Variants in PRR5L observed in about 807,000 individuals in gnomAD.
The protein encoded by PRR5L is proline rich 5 like.
A neutral mutation model predicts 36.4 loss-of-function variants in PRR5L; 21 were observed. The ratio of observed to expected loss-of-function variants is 0.58; its 90% CI spans 0.41 to 0.83. The LOEUF is 0.83. Among genes scored for constraint, PRR5L ranks in the 40% least tolerant of loss-of-function variants. PRR5L has a pLI of 0.00. For missense variants in PRR5L, 381 were observed against 473.3 expected, an observed-to-expected ratio of 0.80 and a Z score of 1.81; for synonymous variants, 188 against 197.0, an observed-to-expected ratio of 0.95 and a Z score of 0.38.
chr11:36,351,536 A>T lies in PRR5L; in HGVS notation c.-125-49461A>T, dbSNP rs1430037049. Among the ~76,000 whole-genome samples, 21 of 2,730 alleles carry T rather than the reference A, an allele frequency of 7.7e-3. 2 individuals carry two copies. The highest frequency in any genetic ancestry group is 0.019 in the South Asian group (2 of 104). The allele number at this position is 2,730 out of a possible 152,430, so 1.8% of individuals were successfully genotyped here. Reference sequence around the variant, plus strand: ...TTATATATATTTATATATTTATATAAATATATATTTATATATATTTATATA... The same window carrying T: ...TTATATATATTTATATATTTATATATATATATATTTATATATATTTATATA... On this transcript the variant is annotated intron_variant, in intron 1 of 8. Coordinates refer to ENST00000530639, the MANE Select transcript of PRR5L (RefSeq NM_001160167.2).
At chr11:36,341,551 C>T (rs911964250) in intron 1 of PRR5L, among the ~76,000 whole-genome samples, 22 of 152,052 alleles carry the variant, frequency 1.4e-4, no homozygotes, top group Admixed American at 4.6e-4. Flanking sequence ...TGGGACATGC[C>T]GTCACAGTAA....
At chr11:36,386,927 T>C (rs1476957273) in intron 1 of PRR5L, among the ~76,000 whole-genome samples, 1 of 152,222 alleles carries the variant, frequency 6.6e-6, no homozygotes, top group Non-Finnish European at 1.5e-5. Flanking sequence ...ATAGTCATGG[T>C]TGACAATTGA....
In PRR5L at chr11:36,401,186, C is replaced by A; in HGVS notation, c.65C>A (p.Pro22His). The change falls in exon 2 of 9, where the codon CCT (proline) becomes CAT (histidine). Residue 22 changes from proline (P) to histidine (H), a missense_variant. Physicochemically the swap from Pro to His is moderately conservative, Grantham distance 77. Transcript: ENST00000530639. ...EFHKMGSFRR[P>H]RPRFMSSPVL... ...CACAAGATGGGCTCCTTCCGCAGGC[C>A]TAGACCGCGCTTCATGAGCTCCCCC... 1 of 1,614,162 alleles carries A rather than the reference C, an allele frequency of 6.2e-7. No individual in the cohort carries two copies. Among genetic ancestry groups the A allele is most frequent in the South Asian group, 1.1e-5 (1 of 91,082 alleles).
At chr11:36,374,105 CCTCT>C (rs761022162) in intron 1 of PRR5L, among the ~76,000 whole-genome samples, 4,697 of 67,676 alleles carry the variant, frequency 0.069, 153 homozygotes, top group Middle Eastern at 0.12. Context: ...TTCCTTCCTT[CCTCT>C]CTCTCTCTCT....
At chr11:36,316,141 A>G (rs1856554578) in intron 1 of PRR5L, among the ~76,000 whole-genome samples, 1 of 152,250 alleles carries the variant, frequency 6.6e-6, no homozygotes, top group African/African-American at 2.4e-5. Flanking sequence ...AAAATAATTT[A>G]GGCACCGAGG....
chr11:36,420,459 T>C (rs779428223), intron 4 of PRR5L, among the ~76,000 whole-genome samples: 1 of 152,206 alleles, frequency 6.6e-6, no homozygotes, highest in Non-Finnish European at 1.5e-5. Context: ...TATTTCCTTT[T>C]CTGTGAAACA....
chr11:36,446,051 C>T (rs1351652764), intron 6 of PRR5L, among the ~76,000 whole-genome samples: 3 of 152,162 alleles, frequency 2.0e-5, no homozygotes, highest in Non-Finnish European at 4.4e-5. Context: ...AATAGTGTGG[C>T]CCTGATTATA....
chr11:36,322,100 C>A (rs1471717956), intron 1 of PRR5L, among the ~76,000 whole-genome samples: 1 of 151,534 alleles, frequency 6.6e-6, no homozygotes, highest in Non-Finnish European at 1.5e-5. Context: ...CAGGTCTACT[C>A]CTCAGAATCA....
chr11:36,318,096 T>C (rs1257649872), intron 1 of PRR5L, among the ~76,000 whole-genome samples: 1 of 152,238 alleles, frequency 6.6e-6, no homozygotes, highest in South Asian at 2.1e-4. Flanking sequence ...TGTGTTACAA[T>C]TGCCTACAGT....
Position 36,403,525 on chromosome 11 carries a change from TG to T in PRR5L, c.245+149del, listed in dbSNP as rs1420991044. On this transcript the variant is annotated intron_variant, in intron 3 of 8. Coordinates refer to ENST00000530639, the MANE Select transcript of PRR5L (RefSeq NM_001160167.2). ...TCTTCTGTCAGCTATGCTGCTTTCATGGCTGTTGCGTTCTGAGACCTGTGTC... is the reference window on the plus strand; with the variant it reads ...TCTTCTGTCAGCTATGCTGCTTTCATGCTGTTGCGTTCTGAGACCTGTGTC... 3.1e-5 allele frequency: 19 copies of T among 617,294 alleles called. No individual in the cohort carries two copies. The African/African-American group carries it at 3.3e-4, about 11-fold the overall frequency. 38.2% of individuals were successfully genotyped at this position (617,294 alleles called of 1,614,324 possible).
intron 1 of PRR5L, chr11:36,376,280 G>A (rs1857257355): frequency 2.6e-6 from 3 of 1,167,552 alleles, no homozygotes; most frequent in Non-Finnish European, 3.3e-6. Context: ...CTAGGTGCCC[G>A]GGACAGGAAA....
intron 1 of PRR5L, among the ~76,000 whole-genome samples, chr11:36,371,910 T>C (rs1160920773): frequency 2.0e-5 from 3 of 151,704 alleles, no homozygotes; most frequent in Non-Finnish European, 4.4e-5. Context: ...AAAACAAAAT[T>C]AGCTGTGTGT....
rs1411849435 is a variant in PRR5L, at chr11:36,462,652, C to T, written c.1023C>T (p.Asn341=). 2 of 1,611,292 alleles carry T rather than the reference C, an allele frequency of 1.2e-6. No homozygotes were observed. Among genetic ancestry groups the T allele is most frequent in the Non-Finnish European group, 1.7e-6 (2 of 1,179,474 alleles). ...ACCGGCAGTGCTCCAGTGAGCCCAA[C>T]ATCACTGACAACCCTGACGGACTGG... The part of the protein sequence containing the change: ...PPHRQCSSEP[N]ITDNPDGLEE... The change falls in exon 9 of 9, where the codon AAC becomes AAT. Residue 341 remains asparagine (N), a synonymous_variant. Coordinates refer to ENST00000530639, the MANE Select transcript of PRR5L (RefSeq NM_001160167.2).
At chr11:36,392,731 G>GAGAC (rs71459210) in intron 1 of PRR5L, among the ~76,000 whole-genome samples, 19,824 of 152,082 alleles carry the variant, frequency 0.13, 1,420 homozygotes, top group East Asian at 0.28. Context: ...ACAGGAGAGA[G>GAGAC]AGACAGAGAG....
At chr11:36,376,817 G>T (rs1590502184) in intron 1 of PRR5L, 2 of 803,880 alleles carry the variant, frequency 2.5e-6, no homozygotes, top group South Asian at 5.6e-5. Flanking sequence ...CGGCGTGGCG[G>T]GGGTAGGAGC....
chr11:36,430,023 G>A (rs144400225), intron 4 of PRR5L, among the ~76,000 whole-genome samples: 152 of 152,270 alleles, frequency 1.0e-3, no homozygotes, highest in African/African-American at 3.4e-3. Flanking sequence ...AATTCTTTGT[G>A]AAGGAATTGC....
At chr11:36,448,956 C>T (rs1030800780) in intron 7 of PRR5L, among the ~76,000 whole-genome samples, 8 of 152,236 alleles carry the variant, frequency 5.3e-5, no homozygotes, top group Admixed American at 4.6e-4. Context: ...ACTACTGCCT[C>T]CCTTCTGCAG....
At chr11:36,386,747 T>C (rs774068772) in intron 1 of PRR5L, among the ~76,000 whole-genome samples, 2 of 152,254 alleles carry the variant, frequency 1.3e-5, no homozygotes, top group South Asian at 2.1e-4. Context: ...TCCCTATGCT[T>C]CGGTTTCTTC....
intron 1 of PRR5L, among the ~76,000 whole-genome samples, chr11:36,308,864 A>C (rs1407980989): frequency 6.6e-6 from 1 of 152,234 alleles, no homozygotes; most frequent in Non-Finnish European, 1.5e-5. Context: ...TTGGGTAGCC[A>C]CTGCCCTTTC....
Sources: allele counts gnomAD v4.1 joint callset (sites outside exome capture counted in the v4.1 genomes callset), GRCh38; gene constraint gnomAD v4.1.1; transcripts MANE v1.5; gene names NCBI Gene and HGNC (gene_info 2026-07-23, HGNC 2026-07-21).